The following DIS3L2 variants were observed in gnomAD, a reference collection of about 807,000 sequenced individuals.
DIS3L2 encodes the protein DIS3 like 3'-5' exoribonuclease 2.
In DIS3L2, 34 loss-of-function variants were observed where a neutral mutation model predicts 97.5. The observed-to-expected ratio is 0.35, with a 90% CI of 0.27 to 0.46. The LOEUF is 0.46. Ranked by LOEUF, DIS3L2 falls within the 20% of genes least tolerant of loss-of-function variation. DIS3L2 has a pLI of 1.00. For synonymous variants in DIS3L2, 435 were observed against 445.2 expected, an observed-to-expected ratio of 0.98 and a Z score of 0.29; for missense variants, 1,038 against 1,146.0, an observed-to-expected ratio of 0.91 and a Z score of 1.36.
At chr2:232,200,708 TA>T (rs1320654860) in intron 9 of DIS3L2, among the ~76,000 whole-genome samples, 4 of 151,940 alleles carry the variant, frequency 2.6e-5, no homozygotes, top group African/African-American at 9.7e-5. Flanking sequence ...GCAAACATTT[TA>T]TAATTTACAA....
intron 8 of DIS3L2, among the ~76,000 whole-genome samples, chr2:232,140,189 A>G (rs1574904893): frequency 6.6e-6 from 1 of 152,118 alleles, no homozygotes; most frequent in Admixed American, 6.6e-5. Context: ...TTGGTGAAAT[A>G]CTCAACTTTT....
rs1318375165 is a variant in DIS3L2, at chr2:231,986,916, AGAT to A, written c.-94+25155_-94+25157del. Among the ~76,000 whole-genome samples, 60 of 152,390 alleles carry A rather than the reference AGAT, an allele frequency of 3.9e-4. 1 individual carries two copies. The highest frequency in any genetic ancestry group is 1.4e-3 in the African/African-American group (58 of 41,598). On this transcript the variant is annotated intron_variant, in intron 1 of 20. Transcript: ENST00000325385. ...ACAAGTATTTAATTTGTTTTACAGT[AGAT>A]GATCCATTTTGTGATGACTTCAGAT...
intron 6 of DIS3L2, among the ~76,000 whole-genome samples, chr2:232,109,970 C>T (rs1159345134): frequency 6.6e-6 from 1 of 152,104 alleles, no homozygotes; most frequent in Non-Finnish European, 1.5e-5. Context: ...TGACAAAAGT[C>T]TAATATTTAG....
chr2:231,971,019 T>G (rs1692889711), intron 1 of DIS3L2, among the ~76,000 whole-genome samples: 1 of 152,196 alleles, frequency 6.6e-6, no homozygotes, highest in South Asian at 2.1e-4. Context: ...TATCACTCTC[T>G]TCCACCTTGA....
chr2:232,296,999 T>C (rs1353219755), intron 13 of DIS3L2, among the ~76,000 whole-genome samples: 1 of 152,164 alleles, frequency 6.6e-6, no homozygotes, highest in Non-Finnish European at 1.5e-5. Context: ...TAAGTGCTGG[T>C]CACCACAGCA....
At chr2:232,088,261 C>T (rs1459256035) in intron 6 of DIS3L2, among the ~76,000 whole-genome samples, 22 of 127,142 alleles carry the variant, frequency 1.7e-4, no homozygotes, top group Middle Eastern at 5.3e-3. Flanking sequence ...ATTAGCCAGG[C>T]GTGGGCCGGG....
intron 5 of DIS3L2, among the ~76,000 whole-genome samples, chr2:232,063,577 A>G (rs982752249): frequency 3.9e-5 from 6 of 152,096 alleles, no homozygotes; most frequent in Admixed American, 2.0e-4. Context: ...TTTTTAAACT[A>G]TGACATCTTT....
intron 5 of DIS3L2, among the ~76,000 whole-genome samples, chr2:232,036,048 C>T (rs1694941464): frequency 1.3e-5 from 2 of 151,994 alleles, no homozygotes; most frequent in African/African-American, 2.4e-5. Context: ...TCTGTATTTC[C>T]TGAATTTGAA....
intron 6 of DIS3L2, among the ~76,000 whole-genome samples, chr2:232,124,815 A>G (rs1302013142): frequency 6.6e-6 from 1 of 152,232 alleles, no homozygotes; most frequent in African/African-American, 2.4e-5. Flanking sequence ...AGAAAAAAGC[A>G]GCTGGAGAAA....
intron 16 of DIS3L2, among the ~76,000 whole-genome samples, chr2:232,333,442 C>T (rs1056662897): frequency 2.0e-5 from 3 of 152,072 alleles, no homozygotes; most frequent in African/African-American, 7.2e-5. Context: ...TCAGCAGTGA[C>T]TCAGCAGGGA....
At chr2:232,033,605 G>A (rs1490898040) in intron 5 of DIS3L2, among the ~76,000 whole-genome samples, 1 of 152,102 alleles carries the variant, frequency 6.6e-6, no homozygotes, top group Non-Finnish European at 1.5e-5. Context: ...TTGGCTATGG[G>A]TTTGTCATAA....
intron 5 of DIS3L2, among the ~76,000 whole-genome samples, chr2:232,071,667 A>G (rs141722853): frequency 6.6e-6 from 1 of 152,360 alleles, no homozygotes; most frequent in East Asian, 1.9e-4. Flanking sequence ...GTGGACATTG[A>G]GAAAGTCAAG....
downstream of DIS3L2, chr2:232,337,280 A>G (rs762936717): frequency 4.5e-5 from 38 of 841,406 alleles, no homozygotes; most frequent in Non-Finnish European, 5.2e-5. Flanking sequence ...TCCTCTCTGC[A>G]CCAGCTCCGC....
At chr2:232,104,211 A>G (rs896301720) in intron 6 of DIS3L2, among the ~76,000 whole-genome samples, 10 of 152,210 alleles carry the variant, frequency 6.6e-5, no homozygotes, top group African/African-American at 2.4e-4. Context: ...ATGCAGTTTC[A>G]TGAGTCATTA....
At chr2:232,119,644 T>C (rs1393394222) in intron 6 of DIS3L2, among the ~76,000 whole-genome samples, 1 of 151,860 alleles carries the variant, frequency 6.6e-6, no homozygotes, top group Non-Finnish European at 1.5e-5. Context: ...GAGCAGAGAG[T>C]GCTCAGGGAA....
At chr2:232,024,908 T>G (rs572025253) in intron 4 of DIS3L2, among the ~76,000 whole-genome samples, 2 of 152,170 alleles carry the variant, frequency 1.3e-5, no homozygotes, top group South Asian at 2.1e-4. Flanking sequence ...TACACTGATA[T>G]ATAGTTAGCA....
Position 232,102,561 on chromosome 2 carries a change from C to T in DIS3L2, c.601+14840C>T, listed in dbSNP as rs114321016. On this transcript the variant is annotated intron_variant, in intron 6 of 20. Coordinates refer to ENST00000325385, the MANE Select transcript of DIS3L2 (RefSeq NM_152383.5). The stretch of plus-strand genomic sequence containing the variant: ...TGAATGGTTCAGAAAAAAGAAGAAA[C>T]GAAACTATGTGGTTGTGTGTGTGTG... Among the ~76,000 whole-genome samples the T allele has an allele frequency of 1.6e-3, 247 of 152,184 alleles. 2 individuals carry two copies. The highest frequency in any genetic ancestry group is 5.5e-3 in the African/African-American group (229 of 41,526).
At chr2:232,310,868 C>T (rs534786404) in intron 14 of DIS3L2, among the ~76,000 whole-genome samples, 1 of 152,360 alleles carries the variant, frequency 6.6e-6, no homozygotes, top group Non-Finnish European at 1.5e-5. Flanking sequence ...GTATTGCTTC[C>T]ATCTCCTCTG....
chr2:232,232,287 G>A (rs910809336), intron 10 of DIS3L2, among the ~76,000 whole-genome samples: 9 of 152,180 alleles, frequency 5.9e-5, no homozygotes, highest in African/African-American at 1.4e-4. Context: ...TCTGGGCTGC[G>A]TGCTCAGGGC....
Sources: gnomAD v4.1 joint callset for allele counts (sites outside exome capture counted in the v4.1 genomes callset) on GRCh38, gnomAD v4.1.1 for gene constraint, MANE v1.5 for transcripts, NCBI Gene and HGNC (gene_info 2026-07-23, HGNC 2026-07-21) for gene names.